Variants in MMS19 observed in about 807,000 individuals in gnomAD.
MMS19 encodes MMS19 cytosolic iron-sulfur assembly component.
A neutral mutation model predicts 129.8 loss-of-function variants in MMS19; 77 were observed. The observed-to-expected ratio is 0.59, with a 90% confidence interval of 0.49 to 0.72. The LOEUF (loss-of-function observed/expected upper bound fraction) is 0.72, where lower values mean the gene tolerates loss of function less well. Ranked by LOEUF, MMS19 falls within the 30% of genes least tolerant of loss-of-function variation. The pLI, the probability that MMS19 is intolerant of heterozygous loss-of-function variation, is 0.00. For missense variants in MMS19, 1,168 were observed against 1,266.3 expected (o/e 0.92, Z 1.18); for synonymous variants, 491 against 502.8 (o/e 0.98, Z 0.31).
At chr10:97,463,020 G>T in intron 19 of MMS19, 1 of 265,998 alleles carries the variant, frequency 3.8e-6, no homozygotes, top group Non-Finnish European at 7.2e-6. Context: ...AAATAGTAAT[G>T]TTGGTCTCTG....
rs989661937 is a variant in MMS19, at chr10:97,477,901, A to C, written c.377T>G (p.Leu126Arg). 14 of 1,608,740 alleles carry C rather than the reference A, an allele frequency of 8.7e-6. No homozygotes were observed. In the African/African-American group the frequency reaches 1.7e-4, roughly 20 times the overall value. ...LSLCVALPPG[L>R]AVSVLKAIFQ... ...GATGGCTTTAAGCACAGAAACAGCCAGCCCTGGGGGCAGGGCCACACACAG... is the reference window on the plus strand; with the variant it reads ...GATGGCTTTAAGCACAGAAACAGCCCGCCCTGGGGGCAGGGCCACACACAG... Residue 126 changes from leucine (L) to arginine (R), a missense_variant, in exon 5 of 31, where the codon CTG becomes CGG. By Grantham distance (102) the Leu-to-Arg change is moderately radical. This residue lies in a region of MMS19 where 329 missense variants were observed against 328.6 expected (regional missense o/e 1.00). Transcript: ENST00000438925.
intron 18 of MMS19, among the ~76,000 whole-genome samples, chr10:97,465,520 G>A (rs1255780111): frequency 6.6e-6 from 1 of 152,094 alleles, no homozygotes; most frequent in Non-Finnish European, 1.5e-5. Context: ...GGCTAAGTTG[G>A]TCTCAAATTC....
Position 97,461,521 on chromosome 10 carries a change from T to C in MMS19, c.2286A>G (p.Ala762=), listed in dbSNP as rs927091297. The change falls in exon 23 of 31, where the codon GCA becomes GCG. Residue 762 remains alanine (A), a synonymous_variant. Transcript: ENST00000438925. The part of the protein sequence containing the change: ...FSSTAAAKCF[A]GLLNKHPAGQ... ...CTGCAGGGTGCTTGTTGAGGAGTCCTGCAAAGCACTTGGCAGCAGCGGTGG... is the reference window on the plus strand; with the variant it reads ...CTGCAGGGTGCTTGTTGAGGAGTCCCGCAAAGCACTTGGCAGCAGCGGTGG... 2 of 1,606,020 alleles carry C rather than the reference T, an allele frequency of 1.2e-6. No homozygotes were observed. Among genetic ancestry groups the C allele is most frequent in the Middle Eastern group, 1.7e-4 (1 of 6,014 alleles).
At chr10:97,483,869 T>G (rs772527475) in intron 2 of MMS19, among the ~76,000 whole-genome samples, 1 of 152,234 alleles carries the variant, frequency 6.6e-6, no homozygotes, top group Non-Finnish European at 1.5e-5. Flanking sequence ...GGAGTTGATG[T>G]GGCCTACAGG....
intron 1 of MMS19, among the ~76,000 whole-genome samples, chr10:97,487,469 C>T (rs1318256965): frequency 6.6e-6 from 1 of 152,056 alleles, no homozygotes; most frequent in Non-Finnish European, 1.5e-5. Flanking sequence ...CAGGCGCCCA[C>T]CACCACACCC....
intron 26 of MMS19, 76 bp downstream of exon 26, chr10:97,459,970 C>G: frequency 6.7e-7 from 1 of 1,495,132 alleles, no homozygotes; most frequent in East Asian, 2.3e-5. Context: ...GCAAGCGGGC[C>G]CTAAATTATC....
rs1400083337 is a variant in MMS19, at chr10:97,480,167, C to T, written c.262+775G>A. 1.0e-5 allele frequency: 4 copies of T among 395,824 alleles called. No individual in the cohort carries two copies. The East Asian group carries it at 2.9e-4, about 29-fold the overall frequency. 24.5% of individuals were successfully genotyped at this position (395,824 alleles called of 1,614,324 possible). ...GCTTTTTTGCCGGCTATGTGAATGACATGCCTAGTCAAACCAATCCCCCGA... is the reference window on the plus strand; with the variant it reads ...GCTTTTTTGCCGGCTATGTGAATGATATGCCTAGTCAAACCAATCCCCCGA... On this transcript the variant is annotated intron_variant, in intron 3 of 30. Transcript: ENST00000438925.
intron 23 of MMS19, 105 bp from the exon 24 acceptor site, chr10:97,461,112 A>G: frequency 1.1e-6 from 1 of 939,044 alleles, no homozygotes; most frequent in Non-Finnish European, 1.6e-6. Flanking sequence ...GCTGTTAGAA[A>G]GGGAAAATAT....
At chr10:97,461,950 C>G in intron 21 of MMS19, 54 bp from the exon 22 acceptor site, 1 of 1,570,114 alleles carries the variant, frequency 6.4e-7, no homozygotes, top group Non-Finnish European at 8.6e-7. Context: ...TTGTCTGCCC[C>G]TCTACCCATT....
At chr10:97,460,647 G>T in intron 25 of MMS19, 48 bp downstream of exon 25, 1 of 1,491,118 alleles carries the variant, frequency 6.7e-7, no homozygotes, top group Non-Finnish European at 9.2e-7. Flanking sequence ...GGAGCAACCA[G>T]AAAGTTTGTT....
intron 8 of MMS19, among the ~76,000 whole-genome samples, chr10:97,473,793 A>G (rs559550360): frequency 6.6e-6 from 1 of 152,256 alleles, no homozygotes; most frequent in African/African-American, 2.4e-5. Context: ...GTTTTTGTGC[A>G]GTAACAGCAG....
Position 97,478,374 on chromosome 10 carries a change from A to G in MMS19, c.278T>C (p.Leu93Pro), listed in dbSNP as rs754018771. The change falls in exon 4 of 31, where the codon CTG becomes CCG. Residue 93 changes from leucine (L) to proline (P), a missense_variant. By Grantham distance (98) the Leu-to-Pro change is moderately conservative (BLOSUM62 -3). This residue lies in a region of MMS19 where 329 missense variants were observed against 328.6 expected (regional missense o/e 1.00). Coordinates refer to ENST00000438925, the MANE Select transcript of MMS19 (RefSeq NM_022362.5). ...LLEKEVVHLI[L>P]FYENRLKDHH... ...GTCCTTCAGCCGGTTCTCATAGAAC[A>G]GTATCAGGTGTACCACTGCACAAAC... 15 of 1,605,120 alleles carry G rather than the reference A, an allele frequency of 9.3e-6. No individual in the cohort carries two copies. Among genetic ancestry groups the G allele is most frequent in the Non-Finnish European group, 1.3e-5 (15 of 1,175,872 alleles).
At chr10:97,469,837 T>A in intron 10 of MMS19, 114 bp from the exon 11 acceptor site, 1 of 835,214 alleles carries the variant, frequency 1.2e-6, no homozygotes, top group South Asian at 1.6e-5. Context: ...AAAAACCAGT[T>A]AAGATTTTTA....
intron 1 of MMS19, 34 bp from the exon 2 acceptor site, chr10:97,484,185 A>G: frequency 8.3e-7 from 1 of 1,205,986 alleles, no homozygotes; most frequent in South Asian, 1.6e-5. Context: ...TATGAAAAAT[A>G]AAAAAAAAAC....
At chr10:97,486,976 A>G (rs1168550607) in intron 1 of MMS19, among the ~76,000 whole-genome samples, 2 of 149,756 alleles carry the variant, frequency 1.3e-5, no homozygotes, top group Non-Finnish European at 3.0e-5. Flanking sequence ...AGAGATTATT[A>G]TATGGTCACA....
intron 14 of MMS19, among the ~76,000 whole-genome samples, 165 bp downstream of exon 14, chr10:97,467,340 A>G (rs1431134884): frequency 6.6e-6 from 1 of 152,200 alleles, no homozygotes; most frequent in Non-Finnish European, 1.5e-5. Context: ...TGAGAAAAAT[A>G]AACAGATCTC....
Position 97,495,452 on chromosome 10 carries a change from G to T in MMS19, c.112+2821C>A, listed in dbSNP as rs29001260. On this transcript the variant is annotated intron_variant, in intron 1 of 30. Coordinates refer to ENST00000438925, the MANE Select transcript of MMS19 (RefSeq NM_022362.5). ...TTGCAGGCTGCTACTCTGAGTGACT[G>T]AACAGGAAGCTAGCTGGTCCCTTTA... Among the ~76,000 whole-genome samples, 965 of 152,324 alleles carry T rather than the reference G, an allele frequency of 6.3e-3. 11 individuals are homozygous for T. Among genetic ancestry groups the T allele is most frequent in the African/African-American group, 0.022 (911 of 41,556 alleles).
At position 97,470,755 on chromosome 10, in the gene MMS19, C is replaced by T. The variant is rs760996032; in HGVS notation, c.771+20G>A. On this transcript the variant is annotated intron_variant, in intron 9 of 30. Coordinates refer to ENST00000438925, the MANE Select transcript of MMS19 (RefSeq NM_022362.5). ...CATCTATGGGCAGAGGCTATATACC[C>T]TAACCTTGGCTAGACCCACCTCAGC... is the stretch of plus-strand genomic sequence containing the variant. The T allele has an allele frequency of 1.3e-6, 2 of 1,555,918 alleles. No homozygotes were observed. The highest frequency in any genetic ancestry group is 8.9e-7 in the Non-Finnish European group (1 of 1,127,466).
chr10:97,459,063 A>C (rs1050733545), intron 29 of MMS19, among the ~76,000 whole-genome samples, 160 bp downstream of exon 29: 1 of 152,044 alleles, frequency 6.6e-6, no homozygotes, highest in Non-Finnish European at 1.5e-5. Flanking sequence ...TCTGGGCCCA[A>C]GGAAAAGAAT....
Sources: gnomAD v4.1 joint callset for allele counts (sites outside exome capture counted in the v4.1 genomes callset) on GRCh38, gnomAD v4.1.1 for gene constraint, gnomAD v4.1.1 regional missense constraint, MANE v1.5 for transcripts, NCBI Gene and HGNC (gene_info 2026-07-23, HGNC 2026-07-21) for gene names.